FSIP1: variants seen among roughly 807,000 people sequenced by gnomAD.
The protein encoded by FSIP1 is fibrous sheath interacting protein 1.
FSIP1 carries 65 observed loss-of-function variants against 60.9 expected under a neutral mutation model. The ratio of observed to expected loss-of-function variants is 1.07; its 90% CI spans 0.87 to 1.31. The LOEUF (loss-of-function observed/expected upper bound fraction) is 1.31, where lower values mean the gene tolerates loss of function less well. FSIP1 is among the 40% of genes most tolerant of loss of function. FSIP1 has a pLI of 0.00. For synonymous variants in FSIP1, 209 were observed against 221.2 expected, an observed-to-expected ratio of 0.94 and a Z score of 0.49; for missense variants, 675 against 665.5, an observed-to-expected ratio of 1.01 and a Z score of -0.16.
chr15:39,731,105 A>G (rs958477572), intron 8 of FSIP1, among the ~76,000 whole-genome samples: 1 of 152,220 alleles, frequency 6.6e-6, no homozygotes, highest in African/African-American at 2.4e-5. Context: ...GAAAGTGGGT[A>G]GATTGTAGTA....
chr15:39,742,315 C>T (rs568330429), intron 5 of FSIP1, among the ~76,000 whole-genome samples: 3 of 152,202 alleles, frequency 2.0e-5, no homozygotes, highest in East Asian at 1.9e-4. Context: ...TTCAAATATG[C>T]GATCAGTCAT....
At chr15:39,640,529 C>G (rs1168907470) in intron 10 of FSIP1, among the ~76,000 whole-genome samples, 2 of 152,138 alleles carry the variant, frequency 1.3e-5, no homozygotes, top group Non-Finnish European at 2.9e-5. Flanking sequence ...GTTCTGAGTG[C>G]CTTGCCCCGG....
In FSIP1 at chr15:39,709,701, C is replaced by T. The variant is rs926577144; in HGVS notation, c.1188+3743G>A. 3.9e-5 allele frequency among the ~76,000 whole-genome samples: 6 copies of T among 152,152 alleles called. No individual in the cohort carries two copies. In the South Asian group the frequency reaches 1.2e-3, roughly 32 times the overall value. On this transcript the variant is annotated intron_variant, in intron 10 of 11. Transcript: ENST00000350221. ...GTATGGTTTTTGGATGAAACTGTCC[C>T]ACCTTAGGTCATCAGGCATTAGATT... is the stretch of plus-strand genomic sequence containing the variant.
In FSIP1 at chr15:39,758,509, T is replaced by C. The variant is rs955475866; in HGVS notation, c.559+5312A>G. 9.2e-5 allele frequency among the ~76,000 whole-genome samples: 14 copies of C among 151,888 alleles called. 1 individual carries two copies. The highest frequency in any genetic ancestry group is 8.5e-4 in the Admixed American group (13 of 15,238). ...TCCTGACACTGTCCATGGATTTTTTTGAGGGGGGGGAATAAGGGGTATAGT... is the reference window on the plus strand; with the variant it reads ...TCCTGACACTGTCCATGGATTTTTTCGAGGGGGGGGAATAAGGGGTATAGT... On this transcript the variant is annotated intron_variant, in intron 5 of 11. Transcript: ENST00000350221.
intron 11 of FSIP1, among the ~76,000 whole-genome samples, chr15:39,601,602 C>T (rs572279612): frequency 1.3e-5 from 2 of 152,248 alleles, no homozygotes; most frequent in African/African-American, 4.8e-5. Context: ...TGTACACAAG[C>T]GTTCATATCA....
At chr15:39,724,168 A>G (rs1029147816) in intron 9 of FSIP1, among the ~76,000 whole-genome samples, 2 of 152,198 alleles carry the variant, frequency 1.3e-5, no homozygotes, top group East Asian at 3.9e-4. Flanking sequence ...CCCTTTCATT[A>G]TTTTTAAAAT....
At chr15:39,638,824 G>A (rs192588376) in intron 10 of FSIP1, among the ~76,000 whole-genome samples, 1 of 151,930 alleles carries the variant, frequency 6.6e-6, no homozygotes, top group East Asian at 1.9e-4. Context: ...GCATGTGTGT[G>A]TGCGCGTGTG....
chr15:39,780,866 G>A (rs1898239570), intron 1 of FSIP1, among the ~76,000 whole-genome samples: 3 of 152,138 alleles, frequency 2.0e-5, no homozygotes, highest in Non-Finnish European at 4.4e-5. Flanking sequence ...GGGATTACAG[G>A]GGTGAGCCAC....
rs114974145 is a variant in FSIP1, at chr15:39,675,444, A to C, written c.1188+38000T>G. On this transcript the variant is annotated intron_variant, in intron 10 of 11. Transcript: ENST00000350221. Reference sequence around the variant, plus strand: ...CATAACGAAAATCTGAAAATAACCCAAATGTCTATTTGAGAAAATGCAGAA... The same window carrying C: ...CATAACGAAAATCTGAAAATAACCCCAATGTCTATTTGAGAAAATGCAGAA... Among the ~76,000 whole-genome samples, 678 of 152,276 alleles carry C rather than the reference A, an allele frequency of 4.5e-3. 5 individuals carry two copies. The highest frequency in any genetic ancestry group is 0.016 in the African/African-American group (653 of 41,548).
At chr15:39,648,468 T>G (rs1892722925) in intron 10 of FSIP1, among the ~76,000 whole-genome samples, 1 of 152,228 alleles carries the variant, frequency 6.6e-6, no homozygotes, top group Non-Finnish European at 1.5e-5. Context: ...TTCTTAAAAG[T>G]TCTCCAGGTG....
chr15:39,624,742 G>A (rs1335253608), intron 10 of FSIP1, among the ~76,000 whole-genome samples: 1 of 152,162 alleles, frequency 6.6e-6, no homozygotes, highest in African/African-American at 2.4e-5. Context: ...CCAAACCAAG[G>A]ACAAAGGGTC....
chr15:39,625,978 T>A (rs1891623029), intron 10 of FSIP1, among the ~76,000 whole-genome samples: 1 of 152,190 alleles, frequency 6.6e-6, no homozygotes, highest in Non-Finnish European at 1.5e-5. Context: ...TACTCTCAGT[T>A]TGATGATGCC....
chr15:39,674,721 A>T (rs1326958203), intron 10 of FSIP1, among the ~76,000 whole-genome samples: 1 of 152,248 alleles, frequency 6.6e-6, no homozygotes, highest in African/African-American at 2.4e-5. Context: ...TATCAGAAGC[A>T]TATCTTTAAA....
At chr15:39,604,977 G>GTA (rs1396943362) in intron 11 of FSIP1, among the ~76,000 whole-genome samples, 1 of 152,082 alleles carries the variant, frequency 6.6e-6, no homozygotes, top group Non-Finnish European at 1.5e-5. Flanking sequence ...TGTTCAGGTG[G>GTA]TATGACTAAG....
chr15:39,711,167 A>G (rs75218319), intron 10 of FSIP1, among the ~76,000 whole-genome samples: 2,497 of 152,310 alleles, frequency 0.016, 54 homozygotes, highest in African/African-American at 0.054. Flanking sequence ...TATAAACAAC[A>G]CAAATTTATT....
intron 6 of FSIP1, 63 bp from the exon 7 acceptor site, chr15:39,739,852 C>A: frequency 9.8e-7 from 1 of 1,022,206 alleles, no homozygotes; most frequent in Non-Finnish European, 1.4e-6. Flanking sequence ...TAAAAGTTCA[C>A]TTTAAGCATA....
At chr15:39,774,602 C>T (rs1192470820) in intron 2 of FSIP1, among the ~76,000 whole-genome samples, 1 of 152,108 alleles carries the variant, frequency 6.6e-6, no homozygotes. Context: ...AGAGTTAACA[C>T]ACCATATAGT....
chr15:39,746,531 G>A (rs1264679979), intron 5 of FSIP1, among the ~76,000 whole-genome samples: 1 of 152,168 alleles, frequency 6.6e-6, no homozygotes, highest in African/African-American at 2.4e-5. Context: ...GCAGACTCAA[G>A]GCAGATGTAC....
chr15:39,738,865 C>T (rs762183686), intron 7 of FSIP1, among the ~76,000 whole-genome samples: 5 of 152,192 alleles, frequency 3.3e-5, no homozygotes, highest in Non-Finnish European at 7.3e-5. Flanking sequence ...GGCTGCCCCA[C>T]GAATCCAGTT....
Sources: gnomAD v4.1 joint callset for allele counts (sites outside exome capture counted in the v4.1 genomes callset) on GRCh38, gnomAD v4.1.1 for gene constraint, MANE v1.5 for transcripts, NCBI Gene and HGNC (gene_info 2026-07-23, HGNC 2026-07-21) for gene names.